The following HSPA12B variants were observed in gnomAD, a reference collection of about 807,000 sequenced individuals.
The protein encoded by HSPA12B is heat shock protein family A (Hsp70) member 12B.
HSPA12B carries 54 observed loss-of-function variants against 69.3 expected under a neutral mutation model. That is an observed-to-expected ratio of 0.78 (90% CI 0.63 to 0.98). The LOEUF is 0.98. Ranked by LOEUF, HSPA12B falls within the 50% of genes least tolerant of loss-of-function variation. HSPA12B has a pLI of 0.00. For missense variants in HSPA12B, 929 were observed against 999.8 expected (o/e 0.93, Z 0.96); for synonymous variants, 441 against 436.5 (o/e 1.01, Z -0.13).
intron 11 of HSPA12B, 117 bp downstream of exon 11, chr20:3,750,344 A>G (rs1268171899): frequency 1.9e-6 from 2 of 1,065,766 alleles, no homozygotes; most frequent in African/African-American, 1.6e-5. Context: ...CCACATATAC[A>G]CTAAGCCAGC....
At chr20:3,738,984 T>C (rs140074251) in intron 2 of HSPA12B, among the ~76,000 whole-genome samples, 9 of 152,162 alleles carry the variant, frequency 5.9e-5, no homozygotes, top group African/African-American at 2.2e-4. Context: ...GACCCTCATG[T>C]GTATATGAGT....
In HSPA12B at chr20:3,742,360, G is replaced by A. The variant is rs1477968811; in HGVS notation, c.218G>A (p.Gly73Asp). ...VAIDFGTTSS[G>D]YAFSFASDPE... Reference sequence around the variant, plus strand: ...ATTGACTTCGGCACCACGTCTAGTGGCTATGCTTTCAGCTTTGCCAGTGAC... The same window carrying A: ...ATTGACTTCGGCACCACGTCTAGTGACTATGCTTTCAGCTTTGCCAGTGAC... Residue 73 changes from glycine (G) to aspartate (D), a missense_variant, in exon 4 of 13, where the codon GGC (glycine) becomes GAC (aspartate). This residue lies in a region of HSPA12B where 477 missense variants were observed against 535.2 expected (regional missense o/e 0.89). Transcript: ENST00000254963. The A allele has an allele frequency of 1.2e-6, 2 of 1,614,072 alleles. No individual in the cohort carries two copies. The highest frequency in any genetic ancestry group is 3.3e-5 in the Admixed American group (2 of 60,032).
chr20:3,745,223 AGG>A lies in HSPA12B; in HGVS notation c.453+137_453+138del, dbSNP rs1370705271. 71 of 829,008 alleles carry A rather than the reference AGG, an allele frequency of 8.6e-5. No individual in the cohort carries two copies. Among genetic ancestry groups the A allele is most frequent in the Middle Eastern group, 7.0e-4 (2 of 2,860 alleles). 51.4% of individuals were successfully genotyped at this position (829,008 alleles called of 1,614,324 possible). A position where few individuals can be genotyped will look rare whatever the true frequency, so the allele number is the denominator to read the frequency against. On this transcript the variant is annotated intron_variant, in intron 5 of 12. Transcript: ENST00000254963. This position sits in a 1 kb window ranked among gnomAD's most constrained non-coding sequence, Gnocchi z 5.6. The stretch of plus-strand genomic sequence containing the variant: ...CGTGGCTGAGAGGGGGCGGGGCTAA[AGG>A]GAGACGTCGGACTCCGGTGTGGGCG...
Position 3,745,446 on chromosome 20 carries a change from A to G in HSPA12B, c.454-47A>G, listed in dbSNP as rs772695528. ...TTAAGAGCGAGGTCGTCAGGAAATGAGTGCCAAGCTGAGGCCTCCTGCAGA... is the reference window on the plus strand; with the variant it reads ...TTAAGAGCGAGGTCGTCAGGAAATGGGTGCCAAGCTGAGGCCTCCTGCAGA... On this transcript the variant is annotated intron_variant, in intron 5 of 12. Transcript: ENST00000254963. The surrounding 1 kb of genome is among the most constrained non-coding windows in gnomAD (Gnocchi z 5.6). 1 of 1,346,566 alleles carries G rather than the reference A, an allele frequency of 7.4e-7. No homozygotes were observed. The highest frequency in any genetic ancestry group is 1.2e-5 in the South Asian group (1 of 85,806). 83.4% of individuals were successfully genotyped at this position (1,346,566 alleles called of 1,614,324 possible). A position where few individuals can be genotyped will look rare whatever the true frequency, so the allele number is the denominator to read the frequency against.
In HSPA12B at chr20:3,738,839, T is replaced by G. The variant is rs965498917; in HGVS notation, c.43+122T>G. On this transcript the variant is annotated intron_variant, in intron 2 of 12. Transcript: ENST00000254963. Reference sequence around the variant, plus strand: ...AGCTTCCCAACAGCTCTTCTGTGAGTGAGTGTGTGTGTGTGTGTGCATGTG... The same window carrying G: ...AGCTTCCCAACAGCTCTTCTGTGAGGGAGTGTGTGTGTGTGTGTGCATGTG... The G allele has an allele frequency of 5.3e-6, 5 of 938,866 alleles. No individual in the cohort carries two copies. The African/African-American group carries it at 8.4e-5, about 16-fold the overall frequency. The allele number at this position is 938,866 out of a possible 1,614,324, so 58.2% of individuals were successfully genotyped here. A position where few individuals can be genotyped will look rare whatever the true frequency, so the allele number is the denominator to read the frequency against.
Position 3,748,246 on chromosome 20 carries a change from G to A in HSPA12B, c.705G>A (p.Glu235=). The change falls in exon 8 of 13, where the codon GAG becomes GAA. Residue 235 remains glutamate (E), a synonymous_variant. Coordinates refer to ENST00000254963, the MANE Select transcript of HSPA12B (RefSeq NM_052970.5). Reference sequence around the variant, plus strand: ...GACTAGTGTCCCGAGAGAATGCAGAGCAGCTACTCATCGCCCTGGAGCCCG... The same window carrying A: ...GACTAGTGTCCCGAGAGAATGCAGAACAGCTACTCATCGCCCTGGAGCCCG... ...LAGLVSRENA[E]QLLIALEPEA... 2 of 1,594,672 alleles carry A rather than the reference G, an allele frequency of 1.3e-6. No homozygotes were observed. The highest frequency in any genetic ancestry group is 1.7e-6 in the Non-Finnish European group (2 of 1,169,318).
chr20:3,748,413 C>T lies in HSPA12B; in HGVS notation c.850+22C>T, dbSNP rs1432216451. 3.9e-6 allele frequency: 6 copies of T among 1,557,340 alleles called. No homozygotes were observed. In the South Asian group the frequency reaches 5.9e-5, roughly 15 times the overall value. ...CAGGGTGAGCTGCCCCCGGGGACAC[C>T]ACCCACCCCTGGAGGGTCAGAGGGT... is the stretch of plus-strand genomic sequence containing the variant. On this transcript the variant is annotated intron_variant, in intron 8 of 12. Coordinates refer to ENST00000254963, the MANE Select transcript of HSPA12B (RefSeq NM_052970.5).
At chr20:3,739,680 C>T (rs968792458) in intron 2 of HSPA12B, among the ~76,000 whole-genome samples, 7 of 152,338 alleles carry the variant, frequency 4.6e-5, no homozygotes, top group African/African-American at 1.7e-4. Flanking sequence ...CCTGTCCAGG[C>T]GCTTCCCAGA....
Position 3,749,510 on chromosome 20 carries a change from G to T in HSPA12B, c.937+192G>T, listed in dbSNP as rs895660753. Among the ~76,000 whole-genome samples the T allele has an allele frequency of 6.6e-6, 1 of 152,142 alleles. No individual in the cohort carries two copies. The highest frequency in any genetic ancestry group is 2.4e-5 in the African/African-American group (1 of 41,414). Reference sequence around the variant, plus strand: ...GCCCCTAACTCCCACTCCTCCAGGGGATTCTCCGCGGACGCTCGGGTGGAG... The same window carrying T: ...GCCCCTAACTCCCACTCCTCCAGGGTATTCTCCGCGGACGCTCGGGTGGAG... On this transcript the variant is annotated intron_variant, in intron 9 of 12. Coordinates refer to ENST00000254963, the MANE Select transcript of HSPA12B (RefSeq NM_052970.5). The surrounding 1 kb of genome is among the most constrained non-coding windows in gnomAD (Gnocchi z 5.5).
In HSPA12B at chr20:3,751,990, G is replaced by A. The variant is rs1031836975; in HGVS notation, c.1885G>A (p.Ala629Thr). 4 of 1,569,166 alleles carry A rather than the reference G, an allele frequency of 2.5e-6. No homozygotes were observed. In the African/African-American group the frequency reaches 5.5e-5, roughly 21 times the overall value. ...ITDPGVRKCG[A>T]LSLELEPADC... ...CGACCCCGGCGTGCGCAAATGCGGC[G>A]CGCTCAGCCTCGAGCTTGAGCCCGC... The change falls in exon 13 of 13, where the codon GCG (alanine) becomes ACG (threonine). Residue 629 changes from alanine to threonine, a missense_variant. Physicochemically the swap from Ala to Thr is moderately conservative, Grantham distance 58. Transcript: ENST00000254963.
intron 1 of HSPA12B, among the ~76,000 whole-genome samples, chr20:3,733,539 A>G (rs909844442): frequency 1.1e-4 from 17 of 152,100 alleles, no homozygotes; most frequent in Non-Finnish European, 2.5e-4. Flanking sequence ...GGATGTATGG[A>G]AAGCAAAGAT....
chr20:3,734,078 G>A (rs2088071106), intron 1 of HSPA12B, among the ~76,000 whole-genome samples: 1 of 152,246 alleles, frequency 6.6e-6, no homozygotes, highest in Non-Finnish European at 1.5e-5. Flanking sequence ...TGAAGTGGGA[G>A]GATCGCTTGA....
Position 3,745,687 on chromosome 20 carries a change from T to C in HSPA12B, c.558+90T>C. ...CGCTCCCCCATCCCGTCCCCGACATTGGATGGGTAGCCACCGCCGGAGCTC... is the reference window on the plus strand; with the variant it reads ...CGCTCCCCCATCCCGTCCCCGACATCGGATGGGTAGCCACCGCCGGAGCTC... On this transcript the variant is annotated intron_variant, in intron 6 of 12. Coordinates refer to ENST00000254963, the MANE Select transcript of HSPA12B (RefSeq NM_052970.5). This position sits in a 1 kb window ranked among gnomAD's most constrained non-coding sequence, Gnocchi z 5.6. The C allele has an allele frequency of 8.3e-7, 1 of 1,206,980 alleles. No individual in the cohort carries two copies. The highest frequency in any genetic ancestry group is 1.2e-6 in the Non-Finnish European group (1 of 825,568). The allele number at this position is 1,206,980 out of a possible 1,614,324, so 74.8% of individuals were successfully genotyped here.
chr20:3,751,074 G>C (rs928885216), intron 12 of HSPA12B, among the ~76,000 whole-genome samples, 167 bp downstream of exon 12: 1 of 152,254 alleles, frequency 6.6e-6, no homozygotes, highest in Non-Finnish European at 1.5e-5. Flanking sequence ...TTAAGAGCTA[G>C]AGGGTTGATA....
In HSPA12B at chr20:3,745,747, T is replaced by A. The variant is rs2088289311; in HGVS notation, c.558+150T>A. The A allele has an allele frequency of 5.4e-6, 5 of 925,428 alleles. No individual in the cohort carries two copies. The highest frequency in any genetic ancestry group is 8.6e-6 in the Non-Finnish European group (5 of 578,230). 57.3% of individuals were successfully genotyped at this position (925,428 alleles called of 1,614,324 possible). On this transcript the variant is annotated intron_variant, in intron 6 of 12. Transcript: ENST00000254963. This position sits in a 1 kb window ranked among gnomAD's most constrained non-coding sequence, Gnocchi z 5.6. ...CTTCTCCAGTACCCTCCTCCCTTTT[T>A]GTCTGGTAGAGCCTGCACCAAGCCA... is the stretch of plus-strand genomic sequence containing the variant.
chr20:3,735,855 G>A (rs777796648), intron 1 of HSPA12B, among the ~76,000 whole-genome samples: 24 of 152,080 alleles, frequency 1.6e-4, no homozygotes, highest in Non-Finnish European at 2.8e-4. Flanking sequence ...ATTCAACAAA[G>A]TGGTTCCCCA....
rs1393016672 is a variant in HSPA12B at position 3,752,274 on chromosome 20, G to A, written c.*108G>A. ...GGGAAACGATAGTTCTGCAGTCTGC[G>A]CCTTTCCACGCCCTCCAGCCCCGGG... On this transcript the variant is annotated 3_prime_UTR_variant, in exon 13 of 13. Transcript: ENST00000254963. 3.8e-6 allele frequency: 4 copies of A among 1,053,622 alleles called. No homozygotes were observed. The highest frequency in any genetic ancestry group is 3.9e-6 in the Non-Finnish European group (3 of 778,158). The allele number at this position is 1,053,622 out of a possible 1,614,324, so 65.3% of individuals were successfully genotyped here. A position where few individuals can be genotyped will look rare whatever the true frequency, so the allele number is the denominator to read the frequency against.
rs1401985767 is a variant in HSPA12B, at chr20:3,745,475, G to T, written c.454-18G>T. ...CCAAGCTGAGGCCTCCTGCAGAGCC[G>T]CCCTGTGTCCCTGCCAGGATCTCAC... On this transcript the variant is annotated intron_variant, in intron 5 of 12. Coordinates refer to ENST00000254963, the MANE Select transcript of HSPA12B (RefSeq NM_052970.5). This position sits in a 1 kb window ranked among gnomAD's most constrained non-coding sequence, Gnocchi z 5.6. The T allele has an allele frequency of 1.3e-6, 2 of 1,586,796 alleles. No homozygotes were observed. The highest frequency in any genetic ancestry group is 2.7e-5 in the African/African-American group (2 of 74,322).
In HSPA12B at chr20:3,745,613, A is replaced by G. The variant is rs745639830; in HGVS notation, c.558+16A>G. 3.1e-6 allele frequency: 5 copies of G among 1,605,622 alleles called. No homozygotes were observed. Among genetic ancestry groups the G allele is most frequent in the African/African-American group, 2.7e-5 (2 of 74,754 alleles). On this transcript the variant is annotated intron_variant, in intron 6 of 12. Transcript: ENST00000254963. The surrounding 1 kb of genome is among the most constrained non-coding windows in gnomAD (Gnocchi z 5.6). ...CGCCCTTCAGGTGCGCTGCGGCCCC[A>G]CCTCTGCCGACTGTGGCAGGGACCC...
Sources: allele counts gnomAD v4.1 joint callset (sites outside exome capture counted in the v4.1 genomes callset), GRCh38; gene constraint gnomAD v4.1.1; regional missense constraint gnomAD v4.1.1; non-coding constraint Gnocchi (gnomAD v3.1); transcripts MANE v1.5; gene names NCBI Gene and HGNC (gene_info 2026-07-23, HGNC 2026-07-21).